KIF13A: variants seen among roughly 807,000 people sequenced by gnomAD.
KIF13A encodes the protein kinesin-like protein KIF13A.
In KIF13A, 79 loss-of-function variants were observed where a neutral mutation model predicts 212.2. The ratio of observed to expected loss-of-function variants is 0.37; its 90% CI spans 0.31 to 0.45. KIF13A has a LOEUF of 0.45. KIF13A is among the 20% of genes least tolerant of loss of function. The pLI is 1.00. For synonymous variants in KIF13A, 789 were observed against 808.6 expected, an observed-to-expected ratio of 0.98 and a Z score of 0.41; for missense variants, 1,901 against 2,209.0, an observed-to-expected ratio of 0.86 and a Z score of 2.79.
chr6:17,765,805 A>G (rs552639842), intron 38 of KIF13A, among the ~76,000 whole-genome samples: 3 of 152,296 alleles, frequency 2.0e-5, no homozygotes, highest in South Asian at 2.1e-4. Flanking sequence ...TAAGTGATAA[A>G]CTCTCTAGCC....
chr6:17,834,214 C>A lies in KIF13A; in HGVS notation c.1156-143G>T. 3 of 539,550 alleles carry A rather than the reference C, an allele frequency of 5.6e-6. No individual in the cohort carries two copies. In the East Asian group the frequency reaches 1.0e-4, roughly 18 times the overall value. 33.4% of individuals were successfully genotyped at this position (539,550 alleles called of 1,614,324 possible). A position where few individuals can be genotyped will look rare whatever the true frequency, so the allele number is the denominator to read the frequency against. ...ATATGCTGTTAGGGTGGGTTTTTAACCTTTATTAATCAAACGAATGTAAGA... is the reference window on the plus strand; with the variant it reads ...ATATGCTGTTAGGGTGGGTTTTTAAACTTTATTAATCAAACGAATGTAAGA... On this transcript the variant is annotated intron_variant, in intron 11 of 38. Coordinates refer to ENST00000259711, the MANE Select transcript of KIF13A (RefSeq NM_022113.6). This position sits in a 1 kb window ranked among gnomAD's most constrained non-coding sequence, Gnocchi z 4.0.
At chr6:17,976,305 C>T (rs923068452) in intron 2 of KIF13A, among the ~76,000 whole-genome samples, 2 of 152,220 alleles carry the variant, frequency 1.3e-5, no homozygotes, top group Non-Finnish European at 2.9e-5. Context: ...TCAGGCATGG[C>T]GGGCTGCAGG....
chr6:17,847,900 C>A (rs1480097603), intron 9 of KIF13A, among the ~76,000 whole-genome samples: 1 of 152,116 alleles, frequency 6.6e-6, no homozygotes, highest in Non-Finnish European at 1.5e-5. Flanking sequence ...CAACCTCTGT[C>A]TCCCGGGTTC....
At position 17,888,313 on chromosome 6, in the gene KIF13A, A is replaced by G. The variant is rs1478144048; in HGVS notation, c.159+9855T>C. ...AGAAGGTTATGCTGTCATTGAGTTC[A>G]TGCAGCTGCAACACTCCTGGACCCA... On this transcript the variant is annotated intron_variant, in intron 3 of 38. Transcript: ENST00000259711. This position sits in a 1 kb window ranked among gnomAD's most constrained non-coding sequence, Gnocchi z 4.8. 2.0e-5 allele frequency among the ~76,000 whole-genome samples: 3 copies of G among 152,134 alleles called. No homozygotes were observed. Among genetic ancestry groups the G allele is most frequent in the Admixed American group, 6.5e-5 (1 of 15,270 alleles).
chr6:17,845,300 G>T (rs917603484), intron 9 of KIF13A, among the ~76,000 whole-genome samples: 6 of 152,162 alleles, frequency 3.9e-5, no homozygotes, highest in South Asian at 4.2e-4. Flanking sequence ...ATTTTGGTGG[G>T]ACACAGCCAT....
At chr6:17,868,964 TG>T (rs1769686408) in intron 4 of KIF13A, among the ~76,000 whole-genome samples, 1 of 108,978 alleles carries the variant, frequency 9.2e-6, no homozygotes, top group African/African-American at 3.7e-5. Flanking sequence ...CACTGCACTC[TG>T]GGCGACAGAG....
chr6:17,954,233 G>A (rs78890700), intron 2 of KIF13A, among the ~76,000 whole-genome samples: 12,798 of 151,280 alleles, frequency 0.085, 636 homozygotes, highest in African/African-American at 0.13. Context: ...CCTGGGAGGC[G>A]GGCTTGCTTG....
Position 17,772,058 on chromosome 6 carries a change from A to G in KIF13A, c.4326T>C (p.Gly1442=). 2 of 1,613,776 alleles carry G rather than the reference A, an allele frequency of 1.2e-6. No individual in the cohort carries two copies. The highest frequency in any genetic ancestry group is 1.3e-5 in the African/African-American group (1 of 75,030). Residue 1442 remains glycine, a splice_region_variant and synonymous_variant, in exon 37 of 39, where the codon GGT becomes GGC. Coordinates refer to ENST00000259711, the MANE Select transcript of KIF13A (RefSeq NM_022113.6). The surrounding 1 kb of genome is among the most constrained non-coding windows in gnomAD (Gnocchi z 4.8). ...AGGCATGAGGAGTCTCTGATGTACA[A>G]CCTAGGGAAGATGAGAAGTTATGAG... The part of the protein sequence containing the change: ...PRDSPRRNKE[G]CTSETPHALT...
intron 20 of KIF13A, among the ~76,000 whole-genome samples, chr6:17,801,346 A>T (rs919076519): frequency 2.5e-4 from 37 of 150,158 alleles, no homozygotes; most frequent in African/African-American, 5.6e-4. Context: ...ACAAATAATT[A>T]AAAAAAAAAT....
At chr6:17,814,158 A>G (rs369562722) in intron 17 of KIF13A, among the ~76,000 whole-genome samples, 64 of 150,498 alleles carry the variant, frequency 4.3e-4, no homozygotes, top group Admixed American at 8.6e-4. Context: ...TCACCTTGTT[A>G]GCCAGGATGG....
At chr6:17,759,446 A>T (rs1295875010), downstream of KIF13A, 2 of 152,168 alleles carry the variant, frequency 1.3e-5, no homozygotes, top group Admixed American at 1.3e-4. Flanking sequence ...AAGGTTTCCA[A>T]TATCTTACTC....
Position 17,786,669 on chromosome 6 carries a change from G to A in KIF13A, c.3362-1028C>T, listed in dbSNP as rs1160104043. Among the ~76,000 whole-genome samples the A allele has an allele frequency of 1.3e-5, 2 of 151,852 alleles. No individual in the cohort carries two copies. The highest frequency in any genetic ancestry group is 3.2e-3 in the Middle Eastern group (1 of 316). The stretch of plus-strand genomic sequence containing the variant: ...CTGTAAAATCACCTTTATTTTCCTC[G>A]AGGCTTATCATGAAAGGGATTTTAT... On this transcript the variant is annotated intron_variant, in intron 27 of 38. Transcript: ENST00000259711. The surrounding 1 kb of genome is among the most constrained non-coding windows in gnomAD (Gnocchi z 5.4).
chr6:17,771,002 A>T lies in KIF13A; in HGVS notation c.4581+112T>A. The T allele has an allele frequency of 1.4e-6, 1 of 692,804 alleles. No individual in the cohort carries two copies. The highest frequency in any genetic ancestry group is 2.4e-6 in the Non-Finnish European group (1 of 414,618). The allele number at this position is 692,804 out of a possible 1,614,324, so 42.9% of individuals were successfully genotyped here. ...CAATGGTCACATTTTTATTTTCTTTAAGACAAAGACCCAATACATGTCTTA... is the reference window on the plus strand; with the variant it reads ...CAATGGTCACATTTTTATTTTCTTTTAGACAAAGACCCAATACATGTCTTA... On this transcript the variant is annotated intron_variant, in intron 38 of 38. Transcript: ENST00000259711. This position sits in a 1 kb window ranked among gnomAD's most constrained non-coding sequence, Gnocchi z 5.4.
rs1253211513 is a variant in KIF13A, at chr6:17,778,952, G to A, written c.4087C>T (p.Arg1363Trp). The A allele has an allele frequency of 1.9e-6, 3 of 1,586,256 alleles. No individual in the cohort carries two copies. The highest frequency in any genetic ancestry group is 1.3e-5 in the African/African-American group (1 of 74,540). The change falls in exon 33 of 39, where the codon CGG becomes TGG. Residue 1363 changes from arginine to tryptophan, a missense_variant. Physicochemically the swap from Arg to Trp is moderately radical, Grantham distance 101. Transcript: ENST00000259711. ...VENILSLERL[R>W]QAVTVKEALS... is the part of the protein sequence containing the mutation. ...CCAGATATTCAGTTACTTGCCTGCCGGAGCCGTTCAAGACTCAGAATGTTT... is the reference window on the plus strand; with the variant it reads ...CCAGATATTCAGTTACTTGCCTGCCAGAGCCGTTCAAGACTCAGAATGTTT...
intron 3 of KIF13A, among the ~76,000 whole-genome samples, chr6:17,887,733 G>A (rs550166263): frequency 6.6e-6 from 1 of 152,034 alleles, no homozygotes; most frequent in South Asian, 2.1e-4. Context: ...CGCTCTTGTT[G>A]CCCAGGCTAC....
intron 4 of KIF13A, among the ~76,000 whole-genome samples, chr6:17,858,103 G>GTC (rs1768328310): frequency 7.3e-6 from 1 of 137,382 alleles, no homozygotes; most frequent in African/African-American, 2.6e-5. Flanking sequence ...GTGTGTGTGT[G>GTC]TGTGTGTGTG....
chr6:17,787,651 A>G lies in KIF13A; in HGVS notation c.3361+125T>C. ...GGGTGACAGAGTGAGACCCTGTCTT[A>G]AAACAACAACAACAACAACAACAAA... On this transcript the variant is annotated intron_variant, in intron 27 of 38. Transcript: ENST00000259711. This position sits in a 1 kb window ranked among gnomAD's most constrained non-coding sequence, Gnocchi z 4.6. The G allele has an allele frequency of 1.5e-6, 1 of 647,656 alleles. No homozygotes were observed. Among genetic ancestry groups the G allele is most frequent in the Non-Finnish European group, 2.7e-6 (1 of 365,966 alleles). 40.1% of individuals were successfully genotyped at this position (647,656 alleles called of 1,614,324 possible).
intron 2 of KIF13A, among the ~76,000 whole-genome samples, chr6:17,901,027 A>G (rs1037032266): frequency 2.7e-5 from 4 of 148,270 alleles, no homozygotes; most frequent in Admixed American, 2.1e-4. Flanking sequence ...GCAGTGAGCC[A>G]AGATCGTGCC....
chr6:17,805,786 T>C (rs938270528), intron 18 of KIF13A, among the ~76,000 whole-genome samples, 171 bp from the exon 19 acceptor site: 25 of 152,356 alleles, frequency 1.6e-4, no homozygotes, highest in African/African-American at 5.5e-4. Context: ...CTACCTTCTA[T>C]GTACACTCAT....
Sources: allele counts gnomAD v4.1 joint callset (sites outside exome capture counted in the v4.1 genomes callset), GRCh38; gene constraint gnomAD v4.1.1; non-coding constraint Gnocchi (gnomAD v3.1); transcripts MANE v1.5; gene names NCBI Gene and HGNC (gene_info 2026-07-23, HGNC 2026-07-21).